The following FUBP1 variants were observed in gnomAD, a reference collection of about 807,000 sequenced individuals.
FUBP1 encodes the protein far upstream element-binding protein 1.
A neutral mutation model predicts 94.9 loss-of-function variants in FUBP1; 16 were observed. The ratio of observed to expected loss-of-function variants is 0.17; its 90% CI spans 0.11 to 0.26. FUBP1 has a LOEUF of 0.26. FUBP1 is among the 10% of genes least tolerant of loss of function. The pLI is 1.00. For synonymous variants in FUBP1, 279 were observed against 254.9 expected, an observed-to-expected ratio of 1.09 and a Z score of -0.90; for missense variants, 583 against 808.6, an observed-to-expected ratio of 0.72 and a Z score of 3.38.
At chr1:77,971,523 G>A (rs1657531972) in intron 1 of FUBP1, among the ~76,000 whole-genome samples, 1 of 152,084 alleles carries the variant, frequency 6.6e-6, no homozygotes, top group Non-Finnish European at 1.5e-5. Context: ...AACTGGAGAG[G>A]TTAAGATTAT....
intron 17 of FUBP1, chr1:77,955,539 T>C (rs568999121): frequency 2.1e-6 from 1 of 477,346 alleles, no homozygotes; most frequent in Non-Finnish European, 3.7e-6. Context: ...AACCAACCTG[T>C]TTGAAGACTG....
chr1:77,953,203 G>T (rs1040895572), intron 18 of FUBP1, among the ~76,000 whole-genome samples: 1 of 150,026 alleles, frequency 6.7e-6, no homozygotes, highest in African/African-American at 2.5e-5. Context: ...AAAATTAACA[G>T]GTGAGGCTGG....
rs150260394 is a variant in FUBP1, at chr1:77,962,854, T to G, written c.1260A>C (p.Ala420=). Residue 420 remains alanine, a synonymous_variant, in exon 14 of 20, where the codon GCA becomes GCC. Transcript: ENST00000370768. ...TTGTAAATAACTTCATATTAGGATC[T>G]GCATTTGGTGGAGGATTTCTCTGAA... is the stretch of plus-strand genomic sequence containing the variant. The part of the protein sequence containing the change: ...IELQRNPPPN[A]DPNMKLFTIR... The G allele has an allele frequency of 2.5e-6, 4 of 1,611,590 alleles. No individual in the cohort carries two copies. The African/African-American group carries it at 5.3e-5, about 22-fold the overall frequency.
chr1:77,962,707 C>A, intron 14 of FUBP1, 63 bp downstream of exon 14: 1 of 999,244 alleles, frequency 1.0e-6, no homozygotes, highest in Admixed American at 2.4e-5. Flanking sequence ...TTTGAATAAA[C>A]GTCTTAATTT....
At chr1:77,975,885 AAAG>A (rs757429729) in intron 1 of FUBP1, among the ~76,000 whole-genome samples, 51 of 152,338 alleles carry the variant, frequency 3.3e-4, no homozygotes, top group African/African-American at 7.7e-4. Context: ...AGAAAAAAAA[AAAG>A]AAGATTGGCA....
chr1:77,954,361 A>C (rs1171506254), intron 18 of FUBP1, among the ~76,000 whole-genome samples: 1 of 152,246 alleles, frequency 6.6e-6, no homozygotes, highest in Non-Finnish European at 1.5e-5. Context: ...GCTAGGTCAC[A>C]AAAACATAAT....
In FUBP1 at chr1:77,978,990, T is replaced by A. The variant is rs139086388; in HGVS notation, c.15A>T (p.Ser5=). The change falls in exon 1 of 20, where the codon TCA becomes TCT. Residue 5 remains serine, a synonymous_variant. Transcript: ENST00000370768. ...AGCCAGAAGAGGGGGGAGGCACTGT[T>A]GAATAGTCTGCCATGGTTGCACTAT... is the stretch of plus-strand genomic sequence containing the variant. The part of the protein sequence containing the change: MADY[S]TVPPPSSGSA... The A allele has an allele frequency of 1.2e-6, 2 of 1,613,342 alleles. No homozygotes were observed. Among genetic ancestry groups the A allele is most frequent in the South Asian group, 1.1e-5 (1 of 91,042 alleles).
At chr1:77,973,412 A>AT (rs1430393975) in intron 1 of FUBP1, among the ~76,000 whole-genome samples, 1 of 151,742 alleles carries the variant, frequency 6.6e-6, no homozygotes, top group Non-Finnish European at 1.5e-5. Context: ...TGCTCAGCTA[A>AT]TTTTTGTATT....
Position 77,948,700 on chromosome 1 carries a change from C to A in FUBP1, c.*66G>T, listed in dbSNP as rs2102228921. On this transcript the variant is annotated 3_prime_UTR_variant, in exon 20 of 20. Transcript: ENST00000370768. ...AAGATCTTCATCAAGTCGTCTGCAT[C>A]CATATATTTAACAAAGGTTTTTTTC... 6.4e-7 allele frequency: 1 copy of A among 1,572,650 alleles called. No individual in the cohort carries two copies. The highest frequency in any genetic ancestry group is 1.2e-5 in the South Asian group (1 of 82,176).
chr1:77,971,991 T>G (rs973891749), intron 1 of FUBP1, among the ~76,000 whole-genome samples: 2 of 135,782 alleles, frequency 1.5e-5, no homozygotes, highest in African/African-American at 5.8e-5. Flanking sequence ...GGCAACGGCA[T>G]GAGACTCTGT....
chr1:77,952,728 A>C (rs1653712918), intron 18 of FUBP1, among the ~76,000 whole-genome samples: 2 of 152,250 alleles, frequency 1.3e-5, no homozygotes, highest in African/African-American at 4.8e-5. Context: ...AAAGCAGTTA[A>C]GCAACTAATC....
intron 17 of FUBP1, 122 bp from the exon 18 acceptor site, chr1:77,955,451 T>C (rs1654269651): frequency 1.5e-6 from 1 of 647,180 alleles, no homozygotes; most frequent in Non-Finnish European, 2.8e-6. Context: ...AGGAGGGAAG[T>C]ACTATGTGGT....
intron 2 of FUBP1, 87 bp from the exon 3 acceptor site, chr1:77,968,290 T>TTG: frequency 1.3e-6 from 1 of 755,380 alleles, no homozygotes; most frequent in Non-Finnish European, 2.2e-6. Flanking sequence ...AATATAAACA[T>TTG]TTATTGAAAT....
At chr1:77,960,045 A>C in intron 16 of FUBP1, 139 bp downstream of exon 16, 3 of 655,682 alleles carry the variant, frequency 4.6e-6, no homozygotes. Flanking sequence ...ACTGGGGTAG[A>C]GGCAGTGCCT....
In FUBP1 at chr1:77,965,107, C is replaced by G; in HGVS notation, c.598G>C (p.Val200Leu). 1 of 1,612,690 alleles carries G rather than the reference C, an allele frequency of 6.2e-7. No individual in the cohort carries two copies. Among genetic ancestry groups the G allele is most frequent in the Non-Finnish European group, 8.5e-7 (1 of 1,178,738 alleles). The change falls in exon 8 of 20, where the codon GTC (valine) becomes CTC (leucine). Residue 200 changes from valine (V) to leucine (L), a missense_variant. Transcript: ENST00000370768. ...ATAGTTTCTCCCCCTTTTCCAATGA[C>G]TAATCCTGCCTTGCTAGCTGGAATC... ...IMIPASKAGL[V>L]IGKGGETIKQ...
At chr1:77,966,652 C>A (rs372906258) in intron 7 of FUBP1, 42 bp downstream of exon 7, 1 of 940,130 alleles carries the variant, frequency 1.1e-6, no homozygotes, top group South Asian at 1.4e-5. Flanking sequence ...AAGAGTTCTG[C>A]TGTTGTTACT....
In FUBP1 at chr1:77,960,249, G is replaced by A. The variant is rs200740179; in HGVS notation, c.1511C>T (p.Pro504Leu). The change falls in exon 16 of 20, where the codon CCA becomes CTA. Residue 504 changes from proline to leucine, a missense_variant. Physicochemically the swap from Pro to Leu is moderately conservative, Grantham distance 98 (BLOSUM62 -3). Coordinates refer to ENST00000370768, the MANE Select transcript of FUBP1 (RefSeq NM_003902.5). ...ATTTCCCCATCCCTGGGGAGCATAT[G>A]GGGCTGGAGGACCACTGAAAAGAAA... Reference protein sequence around the residue: ...PGPAPHGPPAPYAPQGWGNAY... With the variant: ...PGPAPHGPPALYAPQGWGNAY... 6.2e-7 allele frequency: 1 copy of A among 1,612,462 alleles called. No individual in the cohort carries two copies. Among genetic ancestry groups the A allele is most frequent in the Non-Finnish European group, 8.5e-7 (1 of 1,179,302 alleles).
At chr1:77,948,871 G>A in intron 19 of FUBP1, 97 bp from the exon 20 acceptor site, 2 of 1,537,360 alleles carry the variant, frequency 1.3e-6, no homozygotes, top group Non-Finnish European at 1.8e-6. Context: ...AAGAAAAAGT[G>A]GTTAATATAA....
chr1:77,962,163 T>C (rs553410405), intron 14 of FUBP1, among the ~76,000 whole-genome samples: 7 of 152,310 alleles, frequency 4.6e-5, no homozygotes, highest in Admixed American at 3.3e-4. Context: ...ACAGAAAACT[T>C]TCCTGGAGGA....
Sources: gnomAD v4.1 joint callset for allele counts (sites outside exome capture counted in the v4.1 genomes callset) on GRCh38, gnomAD v4.1.1 for gene constraint, MANE v1.5 for transcripts, NCBI Gene and HGNC (gene_info 2026-07-23, HGNC 2026-07-21) for gene names.